Variants in MAN2C1 observed in about 807,000 individuals in gnomAD.
MAN2C1 encodes mannosidase alpha class 2C member 1, also known as alpha-mannosidase 2C1.
MAN2C1 carries 111 observed loss-of-function variants against 126.9 expected under a neutral mutation model. That is an observed-to-expected ratio of 0.87 (90% confidence interval 0.75 to 1.02). The LOEUF (loss-of-function observed/expected upper bound fraction) is 1.02, where lower values mean the gene tolerates loss of function less well. MAN2C1 is among the 50% of genes least tolerant of loss of function. The pLI is 0.00. For missense variants in MAN2C1, 1,363 were observed against 1,364.4 expected (o/e 1.00, Z 0.02); for synonymous variants, 567 against 561.5 (o/e 1.01, Z -0.14).
In MAN2C1 at chr15:75,368,347, C is replaced by T. The variant is rs956576190; in HGVS notation, c.101+136G>A. ...GGCACAGTCCATTCCCTACCCCCTC[C>T]TCCCCGGCCCCTGCCCTGCCCGCGG... On this transcript the variant is annotated intron_variant, in intron 1 of 25. Coordinates refer to ENST00000267978, the MANE Select transcript of MAN2C1 (RefSeq NM_006715.4). 5 of 1,394,732 alleles carry T rather than the reference C, an allele frequency of 3.6e-6. No individual in the cohort carries two copies. In the Admixed American group the frequency reaches 1.1e-4, roughly 32 times the overall value. 86.4% of individuals were successfully genotyped at this position (1,394,732 alleles called of 1,614,324 possible).
chr15:75,356,758 T>C lies in MAN2C1; in HGVS notation c.2657+35A>G. On this transcript the variant is annotated intron_variant, in intron 22 of 25. Coordinates refer to ENST00000267978, the MANE Select transcript of MAN2C1 (RefSeq NM_006715.4). This position sits in a 1 kb window ranked among gnomAD's most constrained non-coding sequence, Gnocchi z 5.8. Reference sequence around the variant, plus strand: ...GTGGTCGGGAAGACCCATTTCTCCATGCCAGCTCCCAGGCCTGGTGGGTAC... The same window carrying C: ...GTGGTCGGGAAGACCCATTTCTCCACGCCAGCTCCCAGGCCTGGTGGGTAC... 1 of 1,612,842 alleles carries C rather than the reference T, an allele frequency of 6.2e-7. No individual in the cohort carries two copies.
Position 75,363,335 on chromosome 15 carries a change from C to G in MAN2C1, c.791-587G>C, listed in dbSNP as rs548420788. The G allele has an allele frequency of 6.8e-5, 31 of 456,076 alleles. No homozygotes were observed. In the East Asian group the frequency reaches 1.7e-3, roughly 25 times the overall value. 28.3% of individuals were successfully genotyped at this position (456,076 alleles called of 1,614,324 possible). On this transcript the variant is annotated intron_variant, in intron 6 of 25. Coordinates refer to ENST00000267978, the MANE Select transcript of MAN2C1 (RefSeq NM_006715.4). Reference sequence around the variant, plus strand: ...TCCCGTAAAACTCAGACACTGCAAACTTGTCCAGGAAGCCTCTCTGGAATC... The same window carrying G: ...TCCCGTAAAACTCAGACACTGCAAAGTTGTCCAGGAAGCCTCTCTGGAATC...
In MAN2C1 at chr15:75,356,806, G is replaced by A; in HGVS notation, c.2644C>T (p.Leu882Phe). The A allele has an allele frequency of 2.5e-6, 4 of 1,614,098 alleles. No homozygotes were observed. Among genetic ancestry groups the A allele is most frequent in the Non-Finnish European group, 3.4e-6 (4 of 1,180,028 alleles). Residue 882 changes from leucine (L) to phenylalanine (F), a missense_variant, in exon 22 of 26, where the codon CTC (leucine) becomes TTC (phenylalanine). By Grantham distance (22) the Leu-to-Phe change is conservative. Transcript: ENST00000267978. The surrounding 1 kb of genome is among the most constrained non-coding windows in gnomAD (Gnocchi z 5.8). ...TACCCCACTTACAGCGAGAGGCTGA[G>A]GATGCTGCCTCGCACTGACGCGCCA... is the stretch of plus-strand genomic sequence containing the variant. Reference protein sequence around the residue: ...KYGASVRGSILSLSLLRAPKA... With the variant: ...KYGASVRGSIFSLSLLRAPKA...
rs369388172 is a variant in MAN2C1, at chr15:75,361,922, G to T, written c.1034C>A (p.Ala345Asp). ...GCCCTGCAAAAACTGCCTCACCATG[G>T]CCTCTCCACTGGGCAGGTTCCCATC... Reference protein sequence around the residue: ...EMDGNLPSGEAMVRQFLQGQN... With the variant: ...EMDGNLPSGEDMVRQFLQGQN... The change falls in exon 9 of 26, where the codon GCC (alanine) becomes GAC (aspartate). Residue 345 changes from alanine to aspartate, a missense_variant. Physicochemically the swap from Ala to Asp is moderately radical, Grantham distance 126 (BLOSUM62 -2). This residue lies in a region of MAN2C1 where 628 missense variants were observed against 609.8 expected (regional missense o/e 1.03). Transcript: ENST00000267978. The surrounding 1 kb of genome is among the most constrained non-coding windows in gnomAD (Gnocchi z 5.0). 2 of 1,613,930 alleles carry T rather than the reference G, an allele frequency of 1.2e-6. No homozygotes were observed. The highest frequency in any genetic ancestry group is 1.7e-6 in the Non-Finnish European group (2 of 1,180,002).
Position 75,356,744 on chromosome 15 carries a change from G to A in MAN2C1, c.2657+49C>T, listed in dbSNP as rs1424766164. The A allele has an allele frequency of 1.9e-6, 3 of 1,612,324 alleles. No individual in the cohort carries two copies. The highest frequency in any genetic ancestry group is 1.1e-5 in the South Asian group (1 of 91,058). On this transcript the variant is annotated intron_variant, in intron 22 of 25. Coordinates refer to ENST00000267978, the MANE Select transcript of MAN2C1 (RefSeq NM_006715.4). The surrounding 1 kb of genome is among the most constrained non-coding windows in gnomAD (Gnocchi z 5.8). ...AAGCTGTTGGAGTTGTGGTCGGGAA[G>A]ACCCATTTCTCCATGCCAGCTCCCA...
chr15:75,361,612 A>T lies in MAN2C1; in HGVS notation c.1210T>A (p.Ser404Thr), dbSNP rs773839619. 9 of 1,613,376 alleles carry T rather than the reference A, an allele frequency of 5.6e-6. No individual in the cohort carries two copies. Among genetic ancestry groups the T allele is most frequent in the Non-Finnish European group, 7.6e-6 (9 of 1,179,488 alleles). ...TQKLSWNLVNSFPHHTFFWEG... is the reference protein window; with the variant it reads ...TQKLSWNLVNTFPHHTFFWEG... ...CCCGGGGGCCTGCTTACTGGGAAGG[A>T]GTTCACCAAATTCCAGCTCAATTTC... Residue 404 changes from serine (S) to threonine (T), a missense_variant, in exon 10 of 26, where the codon TCC (serine) becomes ACC (threonine). Physicochemically the swap from Ser to Thr is moderately conservative, Grantham distance 58. Coordinates refer to ENST00000267978, the MANE Select transcript of MAN2C1 (RefSeq NM_006715.4). This position sits in a 1 kb window ranked among gnomAD's most constrained non-coding sequence, Gnocchi z 5.0.
rs771139171 is a variant in MAN2C1, at chr15:75,356,830, C to T, written c.2620G>A (p.Gly874Ser). Residue 874 changes from glycine (G) to serine (S), a missense_variant, in exon 22 of 26, where the codon GGC (glycine) becomes AGC (serine). Physicochemically the swap from Gly to Ser is moderately conservative, Grantham distance 56 (BLOSUM62 0). Transcript: ENST00000267978. The surrounding 1 kb of genome is among the most constrained non-coding windows in gnomAD (Gnocchi z 5.8). ...AGGATGCTGCCTCGCACTGACGCGC[C>T]ATACTTGCAGTCGTTGAGCAGGGCC... is the stretch of plus-strand genomic sequence containing the variant. ...GLALLNDCKY[G>S]ASVRGSILSL... 6.2e-7 allele frequency: 1 copy of T among 1,614,106 alleles called. No individual in the cohort carries two copies. The highest frequency in any genetic ancestry group is 8.5e-7 in the Non-Finnish European group (1 of 1,180,042).
chr15:75,362,839 A>T lies in MAN2C1; in HGVS notation c.791-91T>A. ...CAGAGGGTCACCTAGCCCCCCTCCC[A>T]TCCCAGGCCCTTCACCCTGGAAAGC... On this transcript the variant is annotated intron_variant, in intron 6 of 25. Coordinates refer to ENST00000267978, the MANE Select transcript of MAN2C1 (RefSeq NM_006715.4). The surrounding 1 kb of genome is among the most constrained non-coding windows in gnomAD (Gnocchi z 4.5). The T allele has an allele frequency of 9.4e-7, 1 of 1,059,404 alleles. No individual in the cohort carries two copies. The highest frequency in any genetic ancestry group is 1.3e-5 in the South Asian group (1 of 74,580). 65.6% of individuals were successfully genotyped at this position (1,059,404 alleles called of 1,614,324 possible).
chr15:75,356,447 A>G lies in MAN2C1; in HGVS notation c.2740T>C (p.Ser914Pro). ...FTYALMPHKG[S>P]FQDAGVIQAA... ...TGGATAACGCCAGCATCCTGGAAAG[A>G]GCCTGGGGTACGACCAGGAAACAAT... Residue 914 changes from serine (S) to proline (P), a missense_variant and splice_region_variant, in exon 24 of 26, where the codon TCT becomes CCT. Ser to Pro is a moderately conservative substitution (Grantham distance 74). Around this residue, in one of 3 missense-constraint regions of MAN2C1, gnomAD observed 668 missense variants for 650.1 expected, o/e 1.03. Transcript: ENST00000267978. This position sits in a 1 kb window ranked among gnomAD's most constrained non-coding sequence, Gnocchi z 5.8. The G allele has an allele frequency of 6.3e-7, 1 of 1,597,586 alleles. No individual in the cohort carries two copies. The highest frequency in any genetic ancestry group is 1.1e-5 in the South Asian group (1 of 88,156).
chr15:75,364,609 C>T lies in MAN2C1; in HGVS notation c.479G>A (p.Ser160Asn), dbSNP rs747834575. The T allele has an allele frequency of 6.2e-7, 1 of 1,613,668 alleles. No individual in the cohort carries two copies. Among genetic ancestry groups the T allele is most frequent in the Non-Finnish European group, 8.5e-7 (1 of 1,179,826 alleles). ...CTCAGGGTCAGGGGCTGCAATCATG[C>T]TTCCCTTCCCGGCCCCCAGGAGCCC... Reference protein sequence around the residue: ...CNGLLGAGKGSMIAAPDPEKM... With the variant: ...CNGLLGAGKGNMIAAPDPEKM... Residue 160 changes from serine (S) to asparagine (N), a missense_variant, in exon 5 of 26, where the codon AGC (serine) becomes AAC (asparagine). Physicochemically the swap from Ser to Asn is conservative, Grantham distance 46. Transcript: ENST00000267978.
chr15:75,368,067 A>G lies in MAN2C1; in HGVS notation c.227+6T>C, dbSNP rs1261667697. On this transcript the variant is annotated splice_donor_region_variant and intron_variant, in intron 2 of 25. Coordinates refer to ENST00000267978, the MANE Select transcript of MAN2C1 (RefSeq NM_006715.4). ...TGGCCCCGCCCACCCGCTGGGCGTT[A>G]CCTACGTGGGTCCGAAGCTGTCGCC... 1.1e-5 allele frequency: 17 copies of G among 1,603,818 alleles called. No individual in the cohort carries two copies. Among genetic ancestry groups the G allele is most frequent in the Non-Finnish European group, 1.4e-5 (16 of 1,176,538 alleles).
At position 75,362,177 on chromosome 15, in the gene MAN2C1, C is replaced by G. The variant is rs565835752; in HGVS notation, c.1008+166G>C. The G allele has an allele frequency of 1.5e-4, 102 of 692,580 alleles. No homozygotes were observed. The highest frequency in any genetic ancestry group is 1.4e-3 in the African/African-American group (80 of 56,442). The allele number at this position is 692,580 out of a possible 1,614,324, so 42.9% of individuals were successfully genotyped here. A position where few individuals can be genotyped will look rare whatever the true frequency, so the allele number is the denominator to read the frequency against. ...CACAGCGCTGGAGGCTCTCCTCCCCCTTGAAGTCCCAGGCCTTGAGATCCC... is the reference window on the plus strand; with the variant it reads ...CACAGCGCTGGAGGCTCTCCTCCCCGTTGAAGTCCCAGGCCTTGAGATCCC... On this transcript the variant is annotated intron_variant, in intron 8 of 25. Transcript: ENST00000267978. The surrounding 1 kb of genome is among the most constrained non-coding windows in gnomAD (Gnocchi z 4.5).
intron 21 of MAN2C1, chr15:75,357,136 A>C: frequency 1.9e-6 from 1 of 534,516 alleles, no homozygotes; most frequent in South Asian, 2.6e-5. Flanking sequence ...ATGAGTATCA[A>C]ATTAAATGTA....
Position 75,359,050 on chromosome 15 carries a change from A to G in MAN2C1, c.2141+9T>C. 3 of 1,613,596 alleles carry G rather than the reference A, an allele frequency of 1.9e-6. No homozygotes were observed. Among genetic ancestry groups the G allele is most frequent in the Non-Finnish European group, 2.5e-6 (3 of 1,179,872 alleles). On this transcript the variant is annotated intron_variant, in intron 18 of 25. Coordinates refer to ENST00000267978, the MANE Select transcript of MAN2C1 (RefSeq NM_006715.4). ...CAGGCACTGGGAAAGGGCAATGAGG[A>G]TTTGGCACCTGCCAGAGGCCACCAG...
At position 75,366,612 on chromosome 15, in the gene MAN2C1, G is replaced by C. The variant is rs2072580894; in HGVS notation, c.352-20C>G. On this transcript the variant is annotated intron_variant, in intron 3 of 25. Coordinates refer to ENST00000267978, the MANE Select transcript of MAN2C1 (RefSeq NM_006715.4). The stretch of plus-strand genomic sequence containing the variant: ...TAAACCCTAGTAGGGAGGGGAGTGA[G>C]AGAGACAAGGCTTGAGGCTTTTGGA... The C allele has an allele frequency of 6.3e-7, 1 of 1,588,478 alleles. No homozygotes were observed. The highest frequency in any genetic ancestry group is 1.3e-5 in the African/African-American group (1 of 74,270).
intron 1 of MAN2C1, 91 bp from the exon 2 acceptor site, chr15:75,368,289 T>C: frequency 6.6e-7 from 1 of 1,515,762 alleles, no homozygotes; most frequent in African/African-American, 1.4e-5. Flanking sequence ...TTTCCCTGGA[T>C]CCTCCGCCAA....
In MAN2C1 at chr15:75,356,338, A is replaced by G; in HGVS notation, c.2849T>C (p.Val950Ala). The change falls in exon 24 of 26, where the codon GTG becomes GCG. Residue 950 changes from valine to alanine, a missense_variant. Val to Ala is a moderately conservative substitution (Grantham distance 64). Around this residue, in one of 3 missense-constraint regions of MAN2C1, gnomAD observed 668 missense variants for 650.1 expected, o/e 1.03. Transcript: ENST00000267978. This position sits in a 1 kb window ranked among gnomAD's most constrained non-coding sequence, Gnocchi z 5.8. ...APATSWSAFS[V>A]SSPAVVLETV... The stretch of plus-strand genomic sequence containing the variant: ...CTCCAATACGACCGCGGGTGAAGAC[A>G]CGGAAAACGCACTCCAGGAGGTGGC... The G allele has an allele frequency of 6.2e-7, 1 of 1,612,278 alleles. No homozygotes were observed. The highest frequency in any genetic ancestry group is 8.5e-7 in the Non-Finnish European group (1 of 1,179,494).
rs1285275840 is a variant in MAN2C1 at position 75,362,986 on chromosome 15, G to A, written c.791-238C>T. On this transcript the variant is annotated intron_variant, in intron 6 of 25. Coordinates refer to ENST00000267978, the MANE Select transcript of MAN2C1 (RefSeq NM_006715.4). This position sits in a 1 kb window ranked among gnomAD's most constrained non-coding sequence, Gnocchi z 4.5. ...TACAGGTCAGGAAATGGAGGCTCCA[G>A]GCCCCAGAATAGCCTCAGTCCTCTT... 3.8e-6 allele frequency: 2 copies of A among 522,138 alleles called. No individual in the cohort carries two copies. Among genetic ancestry groups the A allele is most frequent in the Non-Finnish European group, 6.9e-6 (2 of 287,998 alleles). The allele number at this position is 522,138 out of a possible 1,614,324, so 32.3% of individuals were successfully genotyped here. A position where few individuals can be genotyped will look rare whatever the true frequency, so the allele number is the denominator to read the frequency against.
intron 4 of MAN2C1, among the ~76,000 whole-genome samples, chr15:75,366,285 C>A (rs1293867979): frequency 6.6e-6 from 1 of 152,252 alleles, no homozygotes; most frequent in Non-Finnish European, 1.5e-5. Context: ...CAGCCTCATC[C>A]TCCTGGGCTC....
Sources: gnomAD v4.1 joint callset for allele counts (sites outside exome capture counted in the v4.1 genomes callset) on GRCh38, gnomAD v4.1.1 for gene constraint, gnomAD v4.1.1 regional missense constraint, Gnocchi (gnomAD v3.1) non-coding constraint, MANE v1.5 for transcripts, NCBI Gene and HGNC (gene_info 2026-07-23, HGNC 2026-07-21) for gene names.